Variants in SLC25A21 observed in about 807,000 individuals in gnomAD.
The protein encoded by SLC25A21 is mitochondrial 2-oxodicarboxylate carrier.
Under a neutral mutation model 43.8 loss-of-function variants are expected in SLC25A21, and 47 were observed. The ratio of observed to expected loss-of-function variants is 1.07; its 90% confidence interval spans 0.85 to 1.37. SLC25A21 has a LOEUF of 1.37. Among genes scored for constraint, SLC25A21 ranks in the 40% most tolerant of loss-of-function variants. The pLI is 0.00. For missense variants in SLC25A21, 352 were observed against 350.2 expected (o/e 1.00, Z -0.04); for synonymous variants, 131 against 121.3 (o/e 1.08, Z -0.52).
At chr14:37,043,816 C>T (rs1009479925) in intron 1 of SLC25A21, among the ~76,000 whole-genome samples, 1 of 152,088 alleles carries the variant, frequency 6.6e-6, no homozygotes, top group African/African-American at 2.4e-5. Flanking sequence ...CTCACTGCAA[C>T]ATCGAATTCC....
Position 36,680,248 on chromosome 14 carries a change from CTT to C in SLC25A21, c.*408_*409del, listed in dbSNP as rs1009060222. 1.1e-6 allele frequency: 1 copy of C among 944,388 alleles called. No individual in the cohort carries two copies. Among genetic ancestry groups the C allele is most frequent in the Non-Finnish European group, 1.3e-6 (1 of 793,176 alleles). The allele number at this position is 944,388 out of a possible 1,614,324, so 58.5% of individuals were successfully genotyped here. On this transcript the variant is annotated 3_prime_UTR_variant, in exon 10 of 10. Coordinates refer to ENST00000331299, the MANE Select transcript of SLC25A21 (RefSeq NM_030631.4). ...TGGCTTAACTTTTTTTTAATCCAGTCTTTGAATAATTTGATTTATTTTCAATA... is the reference window on the plus strand; with the variant it reads ...TGGCTTAACTTTTTTTTAATCCAGTCTGAATAATTTGATTTATTTTCAATA...
At chr14:36,820,395 C>T (rs1428606351) in intron 2 of SLC25A21, among the ~76,000 whole-genome samples, 1 of 152,190 alleles carries the variant, frequency 6.6e-6, no homozygotes, top group Non-Finnish European at 1.5e-5. Context: ...ATCCTTACCA[C>T]CAAAGCCAGC....
chr14:36,809,495 T>C (rs1414015663), intron 3 of SLC25A21, among the ~76,000 whole-genome samples: 1 of 152,116 alleles, frequency 6.6e-6, no homozygotes, highest in Non-Finnish European at 1.5e-5. Context: ...TATTAAAAAG[T>C]ACAATGTATT....
intron 1 of SLC25A21, among the ~76,000 whole-genome samples, chr14:37,170,806 C>T (rs1964111264): frequency 1.3e-5 from 2 of 151,468 alleles, no homozygotes; most frequent in Admixed American, 6.6e-5. Context: ...AAAAACTAGC[C>T]GGGCATGGTG....
intron 1 of SLC25A21, among the ~76,000 whole-genome samples, chr14:37,038,224 C>G (rs1961371133): frequency 6.6e-6 from 1 of 152,112 alleles, no homozygotes; most frequent in Admixed American, 6.6e-5. Context: ...TTGTTCTTAT[C>G]TAAGCATACT....
chr14:36,815,756 C>T (rs1220347907), intron 2 of SLC25A21, among the ~76,000 whole-genome samples: 2 of 152,046 alleles, frequency 1.3e-5, no homozygotes, highest in Non-Finnish European at 2.9e-5. Flanking sequence ...CTCATTTCTC[C>T]CGTACCTGAG....
intron 3 of SLC25A21, among the ~76,000 whole-genome samples, chr14:36,752,506 T>C (rs149056292): frequency 3.9e-5 from 6 of 152,260 alleles, no homozygotes; most frequent in African/African-American, 9.6e-5. Context: ...CAAATATCCA[T>C]TGATGTCTGA....
chr14:36,933,393 C>G (rs1892341849), intron 1 of SLC25A21, among the ~76,000 whole-genome samples: 1 of 152,090 alleles, frequency 6.6e-6, no homozygotes, highest in African/African-American at 2.4e-5. Context: ...CAGTACCAGA[C>G]AGAGACATTT....
intron 1 of SLC25A21, among the ~76,000 whole-genome samples, chr14:36,969,896 G>T (rs1281863488): frequency 1.3e-5 from 2 of 152,018 alleles, no homozygotes; most frequent in Non-Finnish European, 2.9e-5. Flanking sequence ...TGCTCTCCCA[G>T]GTAAAATGCC....
At chr14:36,851,982 T>C (rs1029005249) in intron 2 of SLC25A21, among the ~76,000 whole-genome samples, 3 of 152,176 alleles carry the variant, frequency 2.0e-5, no homozygotes, top group African/African-American at 7.2e-5. Context: ...ATATTAAACA[T>C]CTGGAAGAGT....
At chr14:36,991,538 G>A (rs1194978461) in intron 1 of SLC25A21, among the ~76,000 whole-genome samples, 1 of 152,194 alleles carries the variant, frequency 6.6e-6, no homozygotes, top group Non-Finnish European at 1.5e-5. Flanking sequence ...ATTTTTGAAT[G>A]TGTAATTGTA....
intron 2 of SLC25A21, among the ~76,000 whole-genome samples, chr14:36,849,623 T>A (rs1889660071): frequency 6.6e-6 from 1 of 152,186 alleles, no homozygotes; most frequent in Non-Finnish European, 1.5e-5. Context: ...AATGCTTAGC[T>A]AATAACTCTT....
chr14:36,842,315 G>C (rs984139749), intron 2 of SLC25A21, among the ~76,000 whole-genome samples: 3 of 152,168 alleles, frequency 2.0e-5, no homozygotes, highest in African/African-American at 7.2e-5. Flanking sequence ...GTAACTTGAT[G>C]AGGTCCTCGC....
At chr14:37,153,517 T>C (rs1268888107) in intron 1 of SLC25A21, among the ~76,000 whole-genome samples, 1 of 152,026 alleles carries the variant, frequency 6.6e-6, no homozygotes, top group Non-Finnish European at 1.5e-5. Flanking sequence ...CTCCTACAGC[T>C]GGGGTGGGGG....
At chr14:36,749,870 TTCTG>T (rs1246981240) in intron 3 of SLC25A21, among the ~76,000 whole-genome samples, 6 of 152,330 alleles carry the variant, frequency 3.9e-5, no homozygotes, top group Non-Finnish European at 4.4e-5. Context: ...TTTCTATTCC[TTCTG>T]TCTGCTTTAT....
intron 1 of SLC25A21, among the ~76,000 whole-genome samples, chr14:36,975,793 G>A (rs768471790): frequency 5.3e-5 from 8 of 152,274 alleles, no homozygotes; most frequent in Non-Finnish European, 1.2e-4. Context: ...GGAAACCTGA[G>A]GACCATAGTT....
chr14:37,114,779 T>C (rs768311925), intron 1 of SLC25A21, among the ~76,000 whole-genome samples: 29 of 145,640 alleles, frequency 2.0e-4, no homozygotes, highest in Middle Eastern at 3.4e-3. Flanking sequence ...CAGAGAGTCA[T>C]TTTTATGGCG....
chr14:37,108,991 C>T (rs1307945899), intron 1 of SLC25A21, among the ~76,000 whole-genome samples: 1 of 152,030 alleles, frequency 6.6e-6, no homozygotes, highest in Non-Finnish European at 1.5e-5. Flanking sequence ...TTTATCAGCT[C>T]ACTAAGTGTA....
At position 36,933,875 on chromosome 14, in the gene SLC25A21, C is replaced by G. The variant is rs534744682; in HGVS notation, c.71-58871G>C. ...TCTTTTCACCTTACTCACAACTATT[C>G]TTCTTTCAGTTACTGTAAGGGAATA... On this transcript the variant is annotated intron_variant, in intron 1 of 9. Coordinates refer to ENST00000331299, the MANE Select transcript of SLC25A21 (RefSeq NM_030631.4). Among the ~76,000 whole-genome samples the G allele has an allele frequency of 7.2e-5, 11 of 152,260 alleles. 1 individual carries two copies. In the South Asian group the frequency reaches 2.3e-3, roughly 32 times the overall value.
Sources: gnomAD v4.1 joint callset for allele counts (sites outside exome capture counted in the v4.1 genomes callset) on GRCh38, gnomAD v4.1.1 for gene constraint, MANE v1.5 for transcripts, NCBI Gene and HGNC (gene_info 2026-07-23, HGNC 2026-07-21) for gene names.